The following ZDHHC21 variants were observed in gnomAD, a reference collection of about 807,000 sequenced individuals.
ZDHHC21 encodes the protein zDHHC palmitoyltransferase 21, also known as palmitoyltransferase ZDHHC21.
A neutral mutation model predicts 34.6 loss-of-function variants in ZDHHC21; 15 were observed. That is an observed-to-expected ratio of 0.43 (90% CI 0.29 to 0.67). The LOEUF (loss-of-function observed/expected upper bound fraction) is 0.67. ZDHHC21 is among the 30% of genes least tolerant of loss of function. The pLI, the probability that ZDHHC21 is intolerant of heterozygous loss-of-function variation, is 0.14. For missense variants in ZDHHC21, 344 were observed against 327.7 expected (o/e 1.05, Z -0.38); for synonymous variants, 142 against 101.8 (o/e 1.40, Z -2.38).
chr9:14,682,251 G>A (rs911846460), intron 2 of ZDHHC21, among the ~76,000 whole-genome samples: 5 of 152,120 alleles, frequency 3.3e-5, no homozygotes, highest in African/African-American at 1.2e-4. Context: ...CTGGCAAATT[G>A]GATAAAGAGT....
chr9:14,619,158 A>T, intron 9 of ZDHHC21, 60 bp from the exon 10 acceptor site: 1 of 1,525,034 alleles, frequency 6.6e-7, no homozygotes, highest in East Asian at 2.4e-5. Flanking sequence ...TCAGTCAGCT[A>T]AAACAATACA....
chr9:14,693,114 C>G (rs868052188), intron 1 of ZDHHC21, 115 bp downstream of exon 1: 3 of 184,456 alleles, frequency 1.6e-5, no homozygotes, highest in African/African-American at 9.0e-5. Flanking sequence ...CGTCCCGGCG[C>G]GGAGGAGCGG....
At position 14,674,364 on chromosome 9, in the gene ZDHHC21, T is replaced by C; in HGVS notation, c.-24A>G. ...ATTTTGCAATCTTATAACTGCCTGC[T>C]AACCCACAAGGAAGGATGATCCTAA... On this transcript the variant is annotated 5_prime_UTR_variant, in exon 4 of 10. Transcript: ENST00000380916. The C allele has an allele frequency of 4.4e-6, 7 of 1,575,230 alleles. No homozygotes were observed. The highest frequency in any genetic ancestry group is 6.0e-6 in the Non-Finnish European group (7 of 1,165,192).
At position 14,618,849 on chromosome 9, in the gene ZDHHC21, T is replaced by A. The variant is rs560472937; in HGVS notation, c.*117A>T. ...AAATAAAGCCTGGGGCACATTATGA[T>A]GCCTAAGACTGGTGGGTGGATTTTA... On this transcript the variant is annotated 3_prime_UTR_variant, in exon 10 of 10. Coordinates refer to ENST00000380916, the MANE Select transcript of ZDHHC21 (RefSeq NM_178566.6). The A allele has an allele frequency of 2.6e-6, 3 of 1,161,770 alleles. No individual in the cohort carries two copies. In the African/African-American group the frequency reaches 4.7e-5, roughly 18 times the overall value. The allele number at this position is 1,161,770 out of a possible 1,614,324, so 72.0% of individuals were successfully genotyped here.
chr9:14,679,131 G>A (rs1836926385), intron 3 of ZDHHC21, among the ~76,000 whole-genome samples: 1 of 151,996 alleles, frequency 6.6e-6, no homozygotes, highest in Non-Finnish European at 1.5e-5. Flanking sequence ...TGCATGTCAT[G>A]GTACGTAAAT....
chr9:14,619,421 G>A lies in ZDHHC21; in HGVS notation c.665+218C>T, dbSNP rs529191461. ...CAAATAATTTAACTTACTTTAGTTA[G>A]ACAAGGCACAAGAATGATCAGCATT... On this transcript the variant is annotated intron_variant, in intron 9 of 9. Coordinates refer to ENST00000380916, the MANE Select transcript of ZDHHC21 (RefSeq NM_178566.6). Among the ~76,000 whole-genome samples, 4 of 152,170 alleles carry A rather than the reference G, an allele frequency of 2.6e-5. No individual in the cohort carries two copies. The South Asian group carries it at 8.3e-4, about 32-fold the overall frequency.
chr9:14,650,055 T>G (rs900432416), intron 7 of ZDHHC21, among the ~76,000 whole-genome samples: 1 of 152,048 alleles, frequency 6.6e-6, no homozygotes, highest in African/African-American at 2.4e-5. Flanking sequence ...TATAACTGAC[T>G]ATGGAAACAT....
At chr9:14,599,812 C>T in the ZDHHC21 span, among the ~76,000 whole-genome samples, 1 of 152,102 alleles carries the variant, frequency 6.6e-6, no homozygotes, top group African/African-American at 2.4e-5. Context: ...CCACCACAAT[C>T]AAGTGGGCTT....
At chr9:14,651,490 G>A (rs1391176560) in intron 7 of ZDHHC21, among the ~76,000 whole-genome samples, 1 of 151,758 alleles carries the variant, frequency 6.6e-6, no homozygotes, top group Non-Finnish European at 1.5e-5. Context: ...GAACTTCTCT[G>A]AATTTCAGTT....
In ZDHHC21 at chr9:14,616,414, C is replaced by G. The variant is rs1824168529; in HGVS notation, c.*2552G>C. On this transcript the variant is annotated 3_prime_UTR_variant, in exon 10 of 10. Coordinates refer to ENST00000380916, the MANE Select transcript of ZDHHC21 (RefSeq NM_178566.6). ...TCACATTCTTATGAACTAGAAATAACATCATAAAAACATGTTCATTTTCAT... is the reference window on the plus strand; with the variant it reads ...TCACATTCTTATGAACTAGAAATAAGATCATAAAAACATGTTCATTTTCAT... The G allele has an allele frequency of 6.6e-6, 1 of 151,750 alleles. No homozygotes were observed. The highest frequency in any genetic ancestry group is 2.4e-5 in the African/African-American group (1 of 41,368). 9.4% of individuals were successfully genotyped at this position (151,750 alleles called of 1,614,324 possible). A position where few individuals can be genotyped will look rare whatever the true frequency, so the allele number is the denominator to read the frequency against.
the ZDHHC21 span, among the ~76,000 whole-genome samples, chr9:14,603,176 C>T: frequency 6.6e-6 from 1 of 151,972 alleles, no homozygotes; most frequent in Non-Finnish European, 1.5e-5. Context: ...AAAATGAATA[C>T]ATTTTGTTGT....
chr9:14,678,137 C>A (rs918648194), intron 3 of ZDHHC21, among the ~76,000 whole-genome samples: 13 of 152,068 alleles, frequency 8.5e-5, no homozygotes, highest in Non-Finnish European at 2.9e-5. Context: ...GAATCTCACT[C>A]TCCATTTGAA....
At chr9:14,604,293 AATAT>A in the ZDHHC21 span, among the ~76,000 whole-genome samples, 1 of 152,204 alleles carries the variant, frequency 6.6e-6, no homozygotes, top group Non-Finnish European at 1.5e-5. Flanking sequence ...CTTAGTGAAT[AATAT>A]ATAAACTACA....
chr9:14,639,374 C>T (rs1026272056), intron 8 of ZDHHC21, among the ~76,000 whole-genome samples: 2 of 151,772 alleles, frequency 1.3e-5, no homozygotes, highest in East Asian at 1.9e-4. Flanking sequence ...ATGGGTGGAG[C>T]GGGGGACGAA....
the ZDHHC21 span, among the ~76,000 whole-genome samples, chr9:14,597,494 G>A: frequency 6.6e-6 from 1 of 152,172 alleles, no homozygotes; most frequent in Admixed American, 6.5e-5. Flanking sequence ...ATGCCACTGA[G>A]AACAACGCAG....
At chr9:14,686,056 G>C (rs1443746266) in intron 2 of ZDHHC21, among the ~76,000 whole-genome samples, 1 of 151,966 alleles carries the variant, frequency 6.6e-6, no homozygotes, top group Non-Finnish European at 1.5e-5. Context: ...GGCCTGTCGT[G>C]GGGTGGGGGA....
chr9:14,604,517 T>A, the ZDHHC21 span, among the ~76,000 whole-genome samples: 1 of 152,146 alleles, frequency 6.6e-6, no homozygotes, highest in Non-Finnish European at 1.5e-5. Context: ...GGCGGCTACC[T>A]CTAGGGAGGA....
rs1266846751 is a variant in ZDHHC21 at position 14,611,331 on chromosome 9, C to A, written c.*7635G>T. ...AAATACATCTCAGCTACATGGTTCC[C>A]ACTTGTCATTTCACCCATTTTACTC... On this transcript the variant is annotated 3_prime_UTR_variant, in exon 10 of 10. Coordinates refer to ENST00000380916, the MANE Select transcript of ZDHHC21 (RefSeq NM_178566.6). 1 of 151,872 alleles carries A rather than the reference C, an allele frequency of 6.6e-6. No individual in the cohort carries two copies. Among genetic ancestry groups the A allele is most frequent in the Non-Finnish European group, 1.5e-5 (1 of 67,866 alleles). 9.4% of individuals were successfully genotyped at this position (151,872 alleles called of 1,614,324 possible). A position where few individuals can be genotyped will look rare whatever the true frequency, so the allele number is the denominator to read the frequency against.
intron 8 of ZDHHC21, among the ~76,000 whole-genome samples, chr9:14,637,125 T>C (rs959442018): frequency 2.0e-5 from 3 of 151,930 alleles, no homozygotes; most frequent in African/African-American, 4.8e-5. Flanking sequence ...AGTTGGTGTT[T>C]TGAAAAGATA....
Sources: gnomAD v4.1 joint callset for allele counts (sites outside exome capture counted in the v4.1 genomes callset) on GRCh38, gnomAD v4.1.1 for gene constraint, MANE v1.5 for transcripts, NCBI Gene and HGNC (gene_info 2026-07-23, HGNC 2026-07-21) for gene names.